Variants in FRAS1 observed in about 807,000 individuals in gnomAD.
FRAS1 encodes extracellular matrix organizing protein FRAS1.
Under a neutral mutation model 435.2 loss-of-function variants are expected in FRAS1, and 290 were observed. That is an observed-to-expected ratio of 0.67 (90% CI 0.61 to 0.73). The LOEUF (loss-of-function observed/expected upper bound fraction) is 0.73. Ranked by LOEUF, FRAS1 falls within the 30% of genes least tolerant of loss-of-function variation. FRAS1 has a pLI of 0.00. For missense variants in FRAS1, 4,860 were observed against 5,001.5 expected (o/e 0.97, Z 0.85); for synonymous variants, 1,800 against 1,851.0 (o/e 0.97, Z 0.71).
chr4:78,204,862 C>T (rs1383614201), intron 2 of FRAS1, among the ~76,000 whole-genome samples: 12 of 152,202 alleles, frequency 7.9e-5, no homozygotes, highest in Admixed American at 5.9e-4. Flanking sequence ...TTTTGAACCA[C>T]GTCTTCTTCC....
In FRAS1 at chr4:78,515,924, C is replaced by T; in HGVS notation, c.10300C>T (p.Leu3434=). Residue 3434 remains leucine, a synonymous_variant, in exon 66 of 74, where the codon CTG becomes TTG. Coordinates refer to ENST00000512123, the MANE Select transcript of FRAS1 (RefSeq NM_025074.7). ...KTIQLYKHLN[L]KSCVWTFDAY... ...CATCCAGCTCTACAAACACCTGAAC[C>T]TGAAGAGCTGCGTGTGGACCTTTGA... 6.2e-7 allele frequency: 1 copy of T among 1,614,006 alleles called. No homozygotes were observed. Among genetic ancestry groups the T allele is most frequent in the Non-Finnish European group, 8.5e-7 (1 of 1,179,878 alleles).
intron 2 of FRAS1, among the ~76,000 whole-genome samples, chr4:78,069,356 A>G (rs1740220772): frequency 6.6e-6 from 1 of 152,186 alleles, no homozygotes; most frequent in African/African-American, 2.4e-5. Context: ...GAGAGCATGG[A>G]TTTAGGCACT....
intron 10 of FRAS1, 112 bp downstream of exon 10, chr4:78,278,856 A>G (rs988949495): frequency 7.0e-5 from 48 of 687,264 alleles, no homozygotes; most frequent in Middle Eastern, 3.7e-4. Flanking sequence ...AACAAATGTT[A>G]TTGTGCACCT....
chr4:78,479,510 G>T lies in FRAS1; in HGVS notation c.8235G>T (p.Gly2745=). ...GMSAASRVIF[G]PGVTMSTCDV... ...CTGCCGCGAGTCGTGTGATATTCGG[G>T]CCTGGTGTGACCATGTCCACCTGTG... Residue 2745 remains glycine, a synonymous_variant, in exon 56 of 74, where the codon GGG becomes GGT. Transcript: ENST00000512123. 1 of 1,613,820 alleles carries T rather than the reference G, an allele frequency of 6.2e-7. No individual in the cohort carries two copies.
intron 2 of FRAS1, among the ~76,000 whole-genome samples, chr4:78,170,272 T>G (rs1214536482): frequency 6.6e-6 from 1 of 152,196 alleles, no homozygotes; most frequent in Non-Finnish European, 1.5e-5. Context: ...GTCTGTTTTG[T>G]TCACCATTAT....
At chr4:78,422,951 G>A (rs1467970393) in intron 34 of FRAS1, among the ~76,000 whole-genome samples, 2 of 152,048 alleles carry the variant, frequency 1.3e-5, no homozygotes, top group African/African-American at 2.4e-5. Flanking sequence ...TTAATGGAAG[G>A]AAAGTCTGAG....
intron 2 of FRAS1, among the ~76,000 whole-genome samples, chr4:78,089,321 T>C (rs1301139305): frequency 6.6e-6 from 1 of 151,480 alleles, no homozygotes; most frequent in African/African-American, 2.4e-5. Flanking sequence ...GGAGATATAC[T>C]TAATGCTAAA....
chr4:78,322,753 A>G (rs1265825884), intron 18 of FRAS1, among the ~76,000 whole-genome samples: 1 of 152,222 alleles, frequency 6.6e-6, no homozygotes, highest in African/African-American at 2.4e-5. Context: ...GATCAAAAGG[A>G]ACACTACTTA....
chr4:78,398,808 C>T (rs1275749536), intron 29 of FRAS1, among the ~76,000 whole-genome samples: 1 of 152,142 alleles, frequency 6.6e-6, no homozygotes, highest in Non-Finnish European at 1.5e-5. Context: ...CATGGTGAAA[C>T]CCAGTCTTTA....
chr4:78,223,348 T>C (rs1375895335), intron 2 of FRAS1, among the ~76,000 whole-genome samples: 3 of 152,156 alleles, frequency 2.0e-5, no homozygotes, highest in Non-Finnish European at 2.9e-5. Context: ...AAATAGTTGA[T>C]GCAGAACAGA....
intron 11 of FRAS1, among the ~76,000 whole-genome samples, chr4:78,282,408 C>G (rs1361071380): frequency 6.6e-6 from 1 of 152,140 alleles, no homozygotes. Context: ...GGTTTTTAGC[C>G]AAGTGTCCCA....
intron 2 of FRAS1, among the ~76,000 whole-genome samples, chr4:78,168,504 T>C (rs888197833): frequency 6.6e-6 from 1 of 152,052 alleles, no homozygotes; most frequent in Non-Finnish European, 1.5e-5. Flanking sequence ...AATCTAAAAC[T>C]TCAAATTTTT....
chr4:78,534,665 A>G, intron 71 of FRAS1, 50 bp downstream of exon 71: 1 of 1,570,000 alleles, frequency 6.4e-7, no homozygotes, highest in Non-Finnish European at 8.7e-7. Context: ...GGATATGAGA[A>G]GCTTTTGCTA....
intron 15 of FRAS1, among the ~76,000 whole-genome samples, chr4:78,311,730 G>A (rs1425477123): frequency 1.3e-5 from 2 of 152,212 alleles, no homozygotes; most frequent in African/African-American, 2.4e-5. Flanking sequence ...CACTTGGCAT[G>A]ATCAAGATTC....
chr4:78,230,728 G>A (rs1031372345), intron 2 of FRAS1, among the ~76,000 whole-genome samples: 3 of 152,140 alleles, frequency 2.0e-5, no homozygotes. Context: ...GCTTTGAAGG[G>A]CAAGTAGGAA....
intron 20 of FRAS1, 93 bp from the exon 21 acceptor site, chr4:78,363,420 T>G: frequency 7.8e-7 from 1 of 1,277,494 alleles, no homozygotes; most frequent in Non-Finnish European, 1.1e-6. Context: ...CTGCAGTGTT[T>G]GTAATTGAAA....
In FRAS1 at chr4:78,190,616, CTTCCCTTCCCTTCCA is replaced by C. The variant is rs1272407125; in HGVS notation, c.109-46879_109-46865del. ...CATCCCCCATCCCCCCACCACACCC[CTTCCCTTCCCTTCCA>C]TTCCCTTCCCTTCCCTTCCCTTCCC... On this transcript the variant is annotated intron_variant, in intron 2 of 73. Coordinates refer to ENST00000512123, the MANE Select transcript of FRAS1 (RefSeq NM_025074.7). Among the ~76,000 whole-genome samples the C allele has an allele frequency of 8.2e-3, 1,235 of 150,936 alleles. 14 individuals are homozygous for C. The highest frequency in any genetic ancestry group is 0.028 in the African/African-American group (1,139 of 40,806).
At chr4:78,302,414 C>T (rs1256538733) in intron 14 of FRAS1, among the ~76,000 whole-genome samples, 1 of 151,834 alleles carries the variant, frequency 6.6e-6, no homozygotes, top group African/African-American at 2.4e-5. Context: ...AGTTCTAGAT[C>T]CCTGAGGAAT....
intron 38 of FRAS1, among the ~76,000 whole-genome samples, chr4:78,434,084 G>A (rs1182056780): frequency 3.3e-5 from 5 of 152,198 alleles, no homozygotes; most frequent in African/African-American, 1.2e-4. Context: ...AACTTTTCCA[G>A]ATATGCATAG....
Sources: allele counts gnomAD v4.1 joint callset (sites outside exome capture counted in the v4.1 genomes callset), GRCh38; gene constraint gnomAD v4.1.1; transcripts MANE v1.5; gene names NCBI Gene and HGNC (gene_info 2026-07-23, HGNC 2026-07-21).